Variants in DNHD1 observed in about 807,000 individuals in gnomAD.
The protein encoded by DNHD1 is dynein heavy chain domain-containing protein 1.
Under a neutral mutation model 458.1 loss-of-function variants are expected in DNHD1, and 383 were observed. The ratio of observed to expected loss-of-function variants is 0.84; its 90% CI spans 0.77 to 0.91. The LOEUF (loss-of-function observed/expected upper bound fraction) is 0.91, where lower values mean the gene tolerates loss of function less well. DNHD1 is among the 40% of genes least tolerant of loss of function. The pLI is 0.00. For missense variants in DNHD1, 5,336 were observed against 5,866.1 expected, an observed-to-expected ratio of 0.91 and a Z score of 2.95; for synonymous variants, 2,203 against 2,376.9, an observed-to-expected ratio of 0.93 and a Z score of 2.13.
Position 6,548,435 on chromosome 11 carries a change from G to A in DNHD1, c.7098+33G>A, listed in dbSNP as rs983092286. The A allele has an allele frequency of 1.3e-6, 2 of 1,545,144 alleles. No homozygotes were observed. The highest frequency in any genetic ancestry group is 2.4e-5 in the East Asian group (1 of 40,838). ...GACAGTAAGGCAAGAGCTGGGGTTA[G>A]AACTTCAGGACTTATTTTAGGGGTA... On this transcript the variant is annotated intron_variant, in intron 23 of 42. Coordinates refer to ENST00000254579, the MANE Select transcript of DNHD1 (RefSeq NM_144666.3). This position sits in a 1 kb window ranked among gnomAD's most constrained non-coding sequence, Gnocchi z 4.4.
At chr11:6,530,243 T>C (rs901357725) in intron 12 of DNHD1, among the ~76,000 whole-genome samples, 8 of 152,196 alleles carry the variant, frequency 5.3e-5, no homozygotes, top group Non-Finnish European at 1.2e-4. Context: ...CCTCAACCCA[T>C]CTCAGGTTCC....
intron 37 of DNHD1, 36 bp downstream of exon 37, chr11:6,568,278 A>G (rs1853756524): frequency 2.0e-6 from 3 of 1,532,986 alleles, no homozygotes; most frequent in Non-Finnish European, 2.6e-6. Flanking sequence ...CCAGGATCCT[A>G]TCCTACACTT....
At chr11:6,533,248 C>A in intron 13 of DNHD1, 64 bp downstream of exon 13, 1 of 1,486,940 alleles carries the variant, frequency 6.7e-7, no homozygotes, top group Non-Finnish European at 9.1e-7. Flanking sequence ...AAGCTCAGCA[C>A]ACTCTCTTCA....
chr11:6,530,498 C>T (rs758634886), intron 12 of DNHD1, among the ~76,000 whole-genome samples: 9 of 152,196 alleles, frequency 5.9e-5, no homozygotes, highest in Non-Finnish European at 8.8e-5. Context: ...GGAGGTTGTT[C>T]TCTTTCCTCA....
At chr11:6,555,649 G>T (rs1480233544) in intron 24 of DNHD1, among the ~76,000 whole-genome samples, 1 of 152,152 alleles carries the variant, frequency 6.6e-6, no homozygotes, top group Non-Finnish European at 1.5e-5. Context: ...GCAAAAACAT[G>T]GATGAGTCTC....
chr11:6,499,234 C>T (rs1027566365), intron 3 of DNHD1, among the ~76,000 whole-genome samples: 3 of 152,184 alleles, frequency 2.0e-5, no homozygotes, highest in Non-Finnish European at 4.4e-5. Flanking sequence ...AGAATAACAG[C>T]TTGACTTTTC....
chr11:6,523,776 C>T (rs867628549), intron 10 of DNHD1, among the ~76,000 whole-genome samples: 8 of 152,166 alleles, frequency 5.3e-5, no homozygotes, highest in African/African-American at 1.4e-4. Flanking sequence ...TACTTGAGGC[C>T]AGGAGTTTGA....
At chr11:6,551,637 T>C (rs1010845367) in intron 24 of DNHD1, among the ~76,000 whole-genome samples, 1 of 152,166 alleles carries the variant, frequency 6.6e-6, no homozygotes, top group Non-Finnish European at 1.5e-5. Flanking sequence ...TTAAAGATAT[T>C]TAAAAGGATA....
chr11:6,506,891 A>G (rs1321450849), intron 4 of DNHD1, among the ~76,000 whole-genome samples: 1 of 152,246 alleles, frequency 6.6e-6, no homozygotes, highest in Non-Finnish European at 1.5e-5. Flanking sequence ...GGCATAGAGT[A>G]GATACTCAGT....
At chr11:6,514,807 A>G (rs1203674144) in intron 7 of DNHD1, among the ~76,000 whole-genome samples, 1 of 152,150 alleles carries the variant, frequency 6.6e-6, no homozygotes, top group Non-Finnish European at 1.5e-5. Context: ...TTCTGTTGCT[A>G]TAATAGAATA....
intron 12 of DNHD1, among the ~76,000 whole-genome samples, chr11:6,532,238 T>G (rs1852840157): frequency 6.6e-6 from 1 of 152,224 alleles, no homozygotes; most frequent in Non-Finnish European, 1.5e-5. Flanking sequence ...TGTTAGAGTT[T>G]AGATGGCATC....
At position 6,571,494 on chromosome 11, in the gene DNHD1, CCTT is replaced by C; in HGVS notation, c.13911+75_13911+77del. 6.8e-7 allele frequency: 1 copy of C among 1,475,128 alleles called. No individual in the cohort carries two copies. Among genetic ancestry groups the C allele is most frequent in the Non-Finnish European group, 9.0e-7 (1 of 1,106,092 alleles). The allele number at this position is 1,475,128 out of a possible 1,614,324, so 91.4% of individuals were successfully genotyped here. A position where few individuals can be genotyped will look rare whatever the true frequency, so the allele number is the denominator to read the frequency against. On this transcript the variant is annotated intron_variant, in intron 42 of 42. Coordinates refer to ENST00000254579, the MANE Select transcript of DNHD1 (RefSeq NM_144666.3). This position sits in a 1 kb window ranked among gnomAD's most constrained non-coding sequence, Gnocchi z 5.0. The stretch of plus-strand genomic sequence containing the variant: ...TCTCTAATTACACCTCGCAGTTACC[CCTT>C]CTTGGTGATCTTGCCCCCGGTAACC...
Position 6,567,121 on chromosome 11 carries a change from T to C in DNHD1, c.11612T>C (p.Leu3871Pro). ...GCCCTAAGCCAACTGCAGAACCTGCTGCCACTTTTCTGTATGAGCCCAGAG... is the reference window on the plus strand; with the variant it reads ...GCCCTAAGCCAACTGCAGAACCTGCCGCCACTTTTCTGTATGAGCCCAGAG... Reference protein sequence around the residue: ...VKALSQLQNLLPLFCMSPENW... With the variant: ...VKALSQLQNLPPLFCMSPENW... Residue 3871 changes from leucine to proline, a missense_variant, in exon 36 of 43, where the codon CTG becomes CCG. Physicochemically the swap from Leu to Pro is moderately conservative, Grantham distance 98 (BLOSUM62 -3). Around this residue, in one of 4 missense-constraint regions of DNHD1, gnomAD observed 695 missense variants for 804.2 expected, o/e 0.86. Coordinates refer to ENST00000254579, the MANE Select transcript of DNHD1 (RefSeq NM_144666.3). 1 of 1,614,058 alleles carries C rather than the reference T, an allele frequency of 6.2e-7. No individual in the cohort carries two copies. Among genetic ancestry groups the C allele is most frequent in the Non-Finnish European group, 8.5e-7 (1 of 1,179,896 alleles).
intron 6 of DNHD1, among the ~76,000 whole-genome samples, chr11:6,510,714 A>G (rs1852320303): frequency 6.6e-6 from 1 of 152,210 alleles, no homozygotes; most frequent in Non-Finnish European, 1.5e-5. Flanking sequence ...ACCTCTCAGT[A>G]GACACTGAAT....
rs1467994589 is a variant in DNHD1 at position 6,552,076 on chromosome 11, T to A, written c.7387+3143T>A. Among the ~76,000 whole-genome samples the A allele has an allele frequency of 8.3e-5, 12 of 145,330 alleles. 1 individual carries two copies. The highest frequency in any genetic ancestry group is 3.1e-4 in the African/African-American group (12 of 38,298). ...TGGGCAGCATAGTGGGACCCTCATT[T>A]AAAAAAAAAAGTTTTAAAAAATGGA... On this transcript the variant is annotated intron_variant, in intron 24 of 42. Transcript: ENST00000254579.
At chr11:6,565,407 T>C (rs1275364531) in intron 32 of DNHD1, among the ~76,000 whole-genome samples, 3 of 152,202 alleles carry the variant, frequency 2.0e-5, no homozygotes, top group Admixed American at 6.5e-5. Context: ...CCTGGAATTT[T>C]AGAGTAATAA....
intron 32 of DNHD1, 136 bp from the exon 33 acceptor site, chr11:6,565,557 CAT>C (rs1394050974): frequency 5.6e-6 from 5 of 893,774 alleles, no homozygotes; most frequent in Non-Finnish European, 8.4e-6. Context: ...AAAATTGAGT[CAT>C]AGAGAGCTTA....
rs531258014 is a variant in DNHD1, at chr11:6,557,494, T to G, written c.8199T>G (p.Pro2733=). ...GTGAAACAGAGGAGGAAGAGGAACC[T>G]TATGGCCTTCAGGTCGCCAGAGTCT... ...SNSETEEEEE[P]YGLQVARVSN... Residue 2733 remains proline, a synonymous_variant, in exon 25 of 43, where the codon CCT becomes CCG. Transcript: ENST00000254579. The G allele has an allele frequency of 6.4e-7, 1 of 1,551,668 alleles. No individual in the cohort carries two copies. The highest frequency in any genetic ancestry group is 8.7e-7 in the Non-Finnish European group (1 of 1,146,990).
Position 6,497,901 on chromosome 11 carries a change from C to T in DNHD1, c.-315C>T. On this transcript the variant is annotated 5_prime_UTR_variant, in exon 3 of 43. Coordinates refer to ENST00000254579, the MANE Select transcript of DNHD1 (RefSeq NM_144666.3). ...GGAACTCTTCTGCAAGGAGGGCTCT[C>T]ACGTCTGTCTTAGGCCTGCTCCTTA... is the stretch of plus-strand genomic sequence containing the variant. The T allele has an allele frequency of 2.8e-6, 1 of 357,566 alleles. No homozygotes were observed. The highest frequency in any genetic ancestry group is 4.3e-5 in the South Asian group (1 of 23,300). The allele number at this position is 357,566 out of a possible 1,614,324, so 22.1% of individuals were successfully genotyped here.
Sources: gnomAD v4.1 joint callset for allele counts (sites outside exome capture counted in the v4.1 genomes callset) on GRCh38, gnomAD v4.1.1 for gene constraint, gnomAD v4.1.1 regional missense constraint, Gnocchi (gnomAD v3.1) non-coding constraint, MANE v1.5 for transcripts, NCBI Gene and HGNC (gene_info 2026-07-23, HGNC 2026-07-21) for gene names.